The following CELF2 variants were observed in gnomAD, a reference collection of about 807,000 sequenced individuals.
CELF2 encodes the protein CUG triplet repeat RNA-binding protein 2.
A neutral mutation model predicts 62.6 loss-of-function variants in CELF2; 8 were observed. The ratio of observed to expected loss-of-function variants is 0.13; its 90% CI spans 0.07 to 0.23. CELF2 has a LOEUF of 0.23. Ranked by LOEUF, CELF2 falls within the 10% of genes least tolerant of loss-of-function variation. The probability of loss-of-function intolerance (pLI) is 1.00; values close to 1 mark genes in which losing one functional copy is unlikely to be tolerated. For missense variants in CELF2, 333 were observed against 671.0 expected, an observed-to-expected ratio of 0.50 and a Z score of 5.56; for synonymous variants, 258 against 250.0, an observed-to-expected ratio of 1.03 and a Z score of -0.30.
chr10:11,038,266 G>A (rs1306526592), intron 1 of CELF2, among the ~76,000 whole-genome samples: 1 of 152,112 alleles, frequency 6.6e-6, no homozygotes, highest in Non-Finnish European at 1.5e-5. Context: ...TTTTCCATCT[G>A]TAGCCTGGCT....
intron 4 of CELF2, among the ~76,000 whole-genome samples, chr10:11,251,858 C>T (rs561465831): frequency 2.6e-5 from 4 of 152,330 alleles, no homozygotes; most frequent in African/African-American, 7.2e-5. Flanking sequence ...TTCCACTCAC[C>T]GAGGCAGCCT....
At chr10:10,905,820 G>T (rs2063294335) in intron 1 of CELF2, among the ~76,000 whole-genome samples, 1 of 151,748 alleles carries the variant, frequency 6.6e-6, no homozygotes, top group South Asian at 2.1e-4. Flanking sequence ...GGAGCTTGCA[G>T]TGAGCCAAGG....
In CELF2 at chr10:11,288,515, T is replaced by C; in HGVS notation, c.939T>C (p.Ser313=). 1 of 1,613,916 alleles carries C rather than the reference T, an allele frequency of 6.2e-7. No homozygotes were observed. The highest frequency in any genetic ancestry group is 1.3e-5 in the African/African-American group (1 of 75,046). ...CCAGCACCAATGCAAACCCTCTCTC[T>C]ACCACGAGCAGCGCCCTGGGAGCCC... ...SATSTNANPL[S]TTSSALGALT... The change falls in exon 9 of 13, where the codon TCT becomes TCC. Residue 313 remains serine (S), a synonymous_variant. Transcript: ENST00000633077.
At chr10:10,975,056 A>C (rs1253711151) in intron 2 of CELF2, among the ~76,000 whole-genome samples, 1 of 152,240 alleles carries the variant, frequency 6.6e-6, no homozygotes, top group Non-Finnish European at 1.5e-5. Flanking sequence ...CACAGGTTTT[A>C]GATTTGGATA....
the CELF2 span, among the ~76,000 whole-genome samples, chr10:10,767,887 T>C: frequency 2.2e-5 from 3 of 133,522 alleles, no homozygotes; most frequent in Admixed American, 7.9e-5. Flanking sequence ...TCCCAGCTAC[T>C]CGGGAGGCTG....
chr10:11,193,556 G>C (rs181600496), intron 2 of CELF2, among the ~76,000 whole-genome samples: 4 of 152,292 alleles, frequency 2.6e-5, no homozygotes, highest in Admixed American at 2.6e-4. Context: ...CTCCGTCTGG[G>C]GCTGGGGCTG....
the CELF2 span, among the ~76,000 whole-genome samples, chr10:10,643,438 C>T: frequency 6.6e-6 from 1 of 152,164 alleles, no homozygotes; most frequent in African/African-American, 2.4e-5. Flanking sequence ...TGACTTTGCT[C>T]CACCTTTGCC....
Position 10,995,134 on chromosome 10 carries a change from C to T in CELF2, c.89+75135C>T, listed in dbSNP as rs2053823276. Among the ~76,000 whole-genome samples the T allele has an allele frequency of 6.6e-6, 1 of 152,186 alleles. No homozygotes were observed. On this transcript the variant is annotated intron_variant, in intron 2 of 13. Coordinates refer to the CELF2 transcript ENST00000636488. This position sits in a 1 kb window ranked among gnomAD's most constrained non-coding sequence, Gnocchi z 4.7. ...TGTCTTTCTAACTTGGTTATAAGTTCCTTAAGGGCAGGAGCTATGCCCCGT... is the reference window on the plus strand; with the variant it reads ...TGTCTTTCTAACTTGGTTATAAGTTTCTTAAGGGCAGGAGCTATGCCCCGT...
intron 2 of CELF2, chr10:11,171,380 A>ATGAT: frequency 6.6e-6 from 1 of 152,370 alleles, no homozygotes; most frequent in South Asian, 2.1e-4. Context: ...TTCGAATAGG[A>ATGAT]TGATGAGTTG....
the CELF2 span, among the ~76,000 whole-genome samples, chr10:10,508,660 ATGTGTGTGTG>A: frequency 4.1e-3 from 576 of 140,668 alleles, 2 homozygotes; most frequent in East Asian, 0.012. Flanking sequence ...TCTTAAACAG[ATGTGTGTGTG>A]TGTGTGTGTG....
At chr10:10,582,866 C>G in the CELF2 span, among the ~76,000 whole-genome samples, 2 of 152,248 alleles carry the variant, frequency 1.3e-5, no homozygotes, top group Non-Finnish European at 2.9e-5. Context: ...TGCATTAATA[C>G]AAATACTGTG....
chr10:10,666,869 AAAAAAAAAAAG>A, the CELF2 span, among the ~76,000 whole-genome samples: 1 of 75,092 alleles, frequency 1.3e-5, no homozygotes, highest in Non-Finnish European at 2.6e-5. Flanking sequence ...CTCAAAAAAA[AAAAAAAAAAAG>A]AAAAAAAAAA....
intron 4 of CELF2, among the ~76,000 whole-genome samples, chr10:11,256,873 G>C (rs148464432): frequency 6.6e-6 from 1 of 151,936 alleles, no homozygotes; most frequent in African/African-American, 2.4e-5. Context: ...TTTGCGTGTC[G>C]TCCTCATGAT....
Position 11,211,609 on chromosome 10 carries a change from A to G in CELF2, c.272-5816A>G, listed in dbSNP as rs2061792943. ...TGAGTATTATTACCCAGAGTTTCCA[A>G]GTAAAGATTTTCAAGGGAAACAGCT... is the stretch of plus-strand genomic sequence containing the variant. On this transcript the variant is annotated intron_variant, in intron 2 of 12. Coordinates refer to ENST00000633077, the MANE Select transcript of CELF2 (RefSeq NM_001326342.2). This position sits in a 1 kb window ranked among gnomAD's most constrained non-coding sequence, Gnocchi z 4.8. Among the ~76,000 whole-genome samples the G allele has an allele frequency of 6.6e-6, 1 of 152,196 alleles. No homozygotes were observed. The highest frequency in any genetic ancestry group is 6.5e-5 in the Admixed American group (1 of 15,282).
Position 11,207,646 on chromosome 10 carries a change from G to A in CELF2, c.272-9779G>A, listed in dbSNP as rs1476900258. ...GTTTCCCAGGGGAATTCCTGGGATG[G>A]CACTTGGTAATCCAAACCGTGGAGT... is the stretch of plus-strand genomic sequence containing the variant. On this transcript the variant is annotated intron_variant, in intron 2 of 12. Coordinates refer to ENST00000633077, the MANE Select transcript of CELF2 (RefSeq NM_001326342.2). The surrounding 1 kb of genome is among the most constrained non-coding windows in gnomAD (Gnocchi z 4.1). Among the ~76,000 whole-genome samples, 1 of 152,240 alleles carries A rather than the reference G, an allele frequency of 6.6e-6. No individual in the cohort carries two copies. Among genetic ancestry groups the A allele is most frequent in the Admixed American group, 6.5e-5 (1 of 15,288 alleles).
intron 4 of CELF2, among the ~76,000 whole-genome samples, chr10:11,253,473 G>A (rs2077739330): frequency 6.6e-6 from 1 of 152,154 alleles, no homozygotes; most frequent in African/African-American, 2.4e-5. Flanking sequence ...CTGATTCACG[G>A]GAAGATGAAG....
At chr10:10,742,200 T>C in the CELF2 span, among the ~76,000 whole-genome samples, 11 of 150,084 alleles carry the variant, frequency 7.3e-5, 1 homozygote, top group Middle Eastern at 3.5e-3. Context: ...ATACTGTTAA[T>C]GAGAAAAAAA....
At chr10:10,602,864 A>G in the CELF2 span, among the ~76,000 whole-genome samples, 42,862 of 151,890 alleles carry the variant, frequency 0.28, 6,412 homozygotes, top group South Asian at 0.5. Context: ...GAGCCACAAA[A>G]TCGGTAAATC....
the CELF2 span, among the ~76,000 whole-genome samples, chr10:10,685,829 C>G: frequency 1.6e-4 from 25 of 152,066 alleles, no homozygotes; most frequent in Non-Finnish European, 3.2e-4. Flanking sequence ...GACTGTTAGT[C>G]GGGGGAAGCT....
Sources: gnomAD v4.1 joint callset for allele counts (sites outside exome capture counted in the v4.1 genomes callset) on GRCh38, gnomAD v4.1.1 for gene constraint, Gnocchi (gnomAD v3.1) non-coding constraint, MANE v1.5 for transcripts, NCBI Gene and HGNC (gene_info 2026-07-23, HGNC 2026-07-21) for gene names.